The following ART3 variants were observed in gnomAD, a reference collection of about 807,000 sequenced individuals.
ART3 encodes the protein ecto-ADP-ribosyltransferase 3.
In ART3, 49 loss-of-function variants were observed where a neutral mutation model predicts 48.5. That is an observed-to-expected ratio of 1.01 (90% CI 0.80 to 1.28). The LOEUF (loss-of-function observed/expected upper bound fraction) is 1.28. ART3 is among the 50% of genes most tolerant of loss of function. The probability of loss-of-function intolerance (pLI) is 0.00; values close to 1 mark genes in which losing one functional copy is unlikely to be tolerated. For missense variants in ART3, 438 were observed against 454.3 expected, an observed-to-expected ratio of 0.96 and a Z score of 0.33; for synonymous variants, 145 against 157.2, an observed-to-expected ratio of 0.92 and a Z score of 0.58.
chr4:76,036,561 A>G (rs1251565421), intron 1 of ART3, among the ~76,000 whole-genome samples: 1 of 152,126 alleles, frequency 6.6e-6, no homozygotes, highest in East Asian at 1.9e-4. Context: ...CCTGTAAATG[A>G]GTGCCTAAAG....
At chr4:76,101,744 TC>T (rs1471274525) in intron 8 of ART3, among the ~76,000 whole-genome samples, 10 of 148,880 alleles carry the variant, frequency 6.7e-5, no homozygotes, top group African/African-American at 1.8e-4. Context: ...AGAGTGAGAC[TC>T]CATCTTGGAA....
Position 76,107,791 on chromosome 4 carries a change from CTAG to C in ART3, c.1036+1_1036+3del. ...AAAAGTCAAGGAAATATCAACAATC[CTAG>C]TAAGAAGTATCTCATTTCCTCAGTT... On this transcript the variant is annotated splice_donor_variant and coding_sequence_variant, in exon 11 of 12. Transcript: ENST00000355810. LOFTEE classifies it high-confidence loss of function. The C allele has an allele frequency of 6.8e-7, 1 of 1,473,624 alleles. No homozygotes were observed. Among genetic ancestry groups the C allele is most frequent in the Non-Finnish European group, 9.2e-7 (1 of 1,085,852 alleles). The allele number at this position is 1,473,624 out of a possible 1,614,324, so 91.3% of individuals were successfully genotyped here.
chr4:76,047,214 C>G (rs966404702), intron 1 of ART3, among the ~76,000 whole-genome samples: 4 of 151,986 alleles, frequency 2.6e-5, no homozygotes, highest in African/African-American at 9.7e-5. Flanking sequence ...GGTGATTGGC[C>G]TGCTCCATTT....
intron 1 of ART3, among the ~76,000 whole-genome samples, chr4:76,037,363 T>G (rs1734531480): frequency 6.6e-6 from 1 of 152,252 alleles, no homozygotes; most frequent in South Asian, 2.1e-4. Flanking sequence ...ATATATTTAC[T>G]GTATAACTGG....
In ART3 at chr4:76,075,907, T is replaced by C. The variant is rs201824402; in HGVS notation, c.18T>C (p.Phe6=). 8 of 1,613,100 alleles carry C rather than the reference T, an allele frequency of 5.0e-6. No individual in the cohort carries two copies. The East Asian group carries it at 6.7e-5, about 13-fold the overall frequency. ...AGAGAAAAATGAAGACGGGACATTT[T>C]GAAATAGTCACCATGCTGCTGGCAA... The part of the protein sequence containing the change: MKTGH[F]EIVTMLLATM... The change falls in exon 2 of 12, where the codon TTT becomes TTC. Residue 6 remains phenylalanine, a synonymous_variant. Transcript: ENST00000355810.
At chr4:76,077,075 A>G (rs2149525692) in intron 2 of ART3, among the ~76,000 whole-genome samples, 1 of 152,238 alleles carries the variant, frequency 6.6e-6, no homozygotes, top group South Asian at 2.1e-4. Context: ...TGTATACTTC[A>G]GTGGTTTCAG....
At chr4:76,018,231 G>T (rs895181886) in intron 1 of ART3, among the ~76,000 whole-genome samples, 11 of 152,204 alleles carry the variant, frequency 7.2e-5, no homozygotes, top group African/African-American at 2.7e-4. Flanking sequence ...TAAAGAAAAT[G>T]TGGTACATAT....
intron 1 of ART3, chr4:76,023,636 G>A (rs577363299): frequency 4.0e-5 from 19 of 474,796 alleles, no homozygotes; most frequent in African/African-American, 3.3e-4. Flanking sequence ...CAGACTCGAA[G>A]GTATTATTTA....
At chr4:76,080,035 A>G (rs935738543) in intron 2 of ART3, among the ~76,000 whole-genome samples, 1 of 152,152 alleles carries the variant, frequency 6.6e-6, no homozygotes, top group Non-Finnish European at 1.5e-5. Flanking sequence ...ATGTCTATAA[A>G]GTCTCCAACT....
chr4:76,029,625 C>T (rs6814012), intron 1 of ART3, among the ~76,000 whole-genome samples: 92,955 of 151,924 alleles, frequency 0.61, 29,501 homozygotes, highest in East Asian at 0.94. Context: ...ATGTGCTGAC[C>T]ATATCATAAA....
chr4:76,078,011 T>G (rs1347518055), intron 2 of ART3, among the ~76,000 whole-genome samples: 1 of 152,214 alleles, frequency 6.6e-6, no homozygotes, highest in African/African-American at 2.4e-5. Flanking sequence ...CCAGTTTCTC[T>G]CCTTGACCTT....
chr4:76,087,124 C>T (rs1723772680), intron 3 of ART3, among the ~76,000 whole-genome samples: 1 of 152,156 alleles, frequency 6.6e-6, no homozygotes, highest in African/African-American at 2.4e-5. Context: ...CTAAATGTAG[C>T]ACAGGGGTCT....
At chr4:76,077,040 A>G (rs965123432) in intron 2 of ART3, among the ~76,000 whole-genome samples, 1 of 152,322 alleles carries the variant, frequency 6.6e-6, no homozygotes, top group Admixed American at 6.5e-5. Flanking sequence ...TAATTTACAT[A>G]CCATAAAAAT....
At chr4:76,068,195 A>G (rs1364197127) in intron 1 of ART3, among the ~76,000 whole-genome samples, 2 of 152,204 alleles carry the variant, frequency 1.3e-5, no homozygotes, top group African/African-American at 2.4e-5. Context: ...TAAAATTCAC[A>G]AATTTGAAGT....
chr4:76,060,620 A>G (rs943847597), intron 1 of ART3, among the ~76,000 whole-genome samples: 1 of 151,200 alleles, frequency 6.6e-6, no homozygotes, highest in Non-Finnish European at 1.5e-5. Context: ...GACTTATATT[A>G]TGGACCTCAA....
At chr4:76,053,536 T>C (rs1437446702) in intron 1 of ART3, among the ~76,000 whole-genome samples, 1 of 152,248 alleles carries the variant, frequency 6.6e-6, no homozygotes, top group African/African-American at 2.4e-5. Context: ...TTGCCAAGTC[T>C]ACTGCCAAGT....
chr4:76,075,986 T>G, intron 2 of ART3, 28 bp downstream of exon 2: 2 of 1,537,864 alleles, frequency 1.3e-6, no homozygotes. Flanking sequence ...AAGCATGTGG[T>G]CATTGGAATG....
At chr4:76,062,630 G>T (rs1719341354) in intron 1 of ART3, among the ~76,000 whole-genome samples, 2 of 136,348 alleles carry the variant, frequency 1.5e-5, no homozygotes, top group Non-Finnish European at 1.5e-5. Flanking sequence ...GTGGGATCTC[G>T]GCTCACGGCA....
chr4:76,077,481 A>G (rs1376772016), intron 2 of ART3, among the ~76,000 whole-genome samples: 2 of 152,198 alleles, frequency 1.3e-5, no homozygotes, highest in Non-Finnish European at 2.9e-5. Context: ...ACATTTATGT[A>G]CAAGTTTTTA....
Sources: allele counts gnomAD v4.1 joint callset (sites outside exome capture counted in the v4.1 genomes callset), GRCh38; gene constraint gnomAD v4.1.1; transcripts MANE v1.5; gene names NCBI Gene and HGNC (gene_info 2026-07-23, HGNC 2026-07-21).